FAM118B: variants seen among roughly 807,000 people sequenced by gnomAD.
FAM118B encodes protein FAM118B.
Under a neutral mutation model 38.5 loss-of-function variants are expected in FAM118B, and 24 were observed. The observed-to-expected ratio is 0.62, with a 90% CI of 0.45 to 0.88. The LOEUF is 0.88. Ranked by LOEUF, FAM118B falls within the 40% of genes least tolerant of loss-of-function variation. FAM118B has a pLI of 0.00. For synonymous variants in FAM118B, 138 were observed against 156.3 expected (o/e 0.88, Z 0.87); for missense variants, 334 against 420.0 (o/e 0.80, Z 1.79).
intron 7 of FAM118B, among the ~76,000 whole-genome samples, chr11:126,259,230 GTTATT>G (rs1950631657): frequency 6.6e-6 from 1 of 152,252 alleles, no homozygotes; most frequent in East Asian, 1.9e-4. Flanking sequence ...GTCTTTTGCT[GTTATT>G]TTGTTTTTTA....
intron 1 of FAM118B, among the ~76,000 whole-genome samples, chr11:126,225,719 C>T (rs1031517097): frequency 2.0e-5 from 3 of 152,194 alleles, no homozygotes; most frequent in Admixed American, 1.3e-4. Flanking sequence ...TTACTAAAGA[C>T]CTGTAATCCC....
At chr11:126,239,003 T>C (rs1470767754) in intron 3 of FAM118B, among the ~76,000 whole-genome samples, 2 of 151,684 alleles carry the variant, frequency 1.3e-5, no homozygotes, top group Non-Finnish European at 2.9e-5. Flanking sequence ...GACAAGGTCT[T>C]GTTCTGTCAC....
intron 2 of FAM118B, among the ~76,000 whole-genome samples, chr11:126,231,683 A>G (rs1168934320): frequency 1.3e-5 from 2 of 152,212 alleles, no homozygotes; most frequent in Non-Finnish European, 2.9e-5. Flanking sequence ...AGTAGTTGGA[A>G]TGGACCTTCA....
At chr11:126,221,681 T>G (rs1591502650) in intron 1 of FAM118B, among the ~76,000 whole-genome samples, 1 of 149,252 alleles carries the variant, frequency 6.7e-6, no homozygotes, top group African/African-American at 2.5e-5. Context: ...GTGAATGGGG[T>G]GGGAAGGGAA....
At chr11:126,230,940 CTTTTCTCT>C (rs1337953711) in intron 2 of FAM118B, among the ~76,000 whole-genome samples, 2 of 152,346 alleles carry the variant, frequency 1.3e-5, no homozygotes, top group East Asian at 3.9e-4. Context: ...TAACCAGTTC[CTTTTCTCT>C]TGTCCCTTTA....
chr11:126,261,155 G>GAAATGTA (rs10623520), intron 7 of FAM118B: 216,863 of 363,490 alleles, frequency 0.6, 68,023 homozygotes, highest in East Asian at 0.94. Flanking sequence ...GCCTGTATGT[G>GAAATGTA]AAATGTAAAA....
rs1340216655 is a variant in FAM118B at position 126,214,490 on chromosome 11, GTTTTTTTT to G, written c.-77+2665_-77+2672del. The G allele has an allele frequency of 8.5e-4, 22 of 25,834 alleles. No homozygotes were observed. The East Asian group carries it at 0.012, about 14-fold the overall frequency. 1.6% of individuals were successfully genotyped at this position (25,834 alleles called of 1,614,324 possible). A position where few individuals can be genotyped will look rare whatever the true frequency, so the allele number is the denominator to read the frequency against. On this transcript the variant is annotated intron_variant, in intron 1 of 8. Transcript: ENST00000533050. The stretch of plus-strand genomic sequence containing the variant: ...CACTGCAAAAAACTCTTTTGTTTCT[GTTTTTTTT>G]TTTTGTTTTTTTTTTGTTTTTTTTT...
chr11:126,232,028 T>A (rs1450655232), intron 2 of FAM118B, among the ~76,000 whole-genome samples: 2 of 152,172 alleles, frequency 1.3e-5, no homozygotes, highest in Non-Finnish European at 2.9e-5. Flanking sequence ...GGCACTTCCT[T>A]TGTTGATAGT....
At chr11:126,251,474 C>T (rs1950502656) in intron 5 of FAM118B, among the ~76,000 whole-genome samples, 1 of 152,174 alleles carries the variant, frequency 6.6e-6, no homozygotes, top group African/African-American at 2.4e-5. Context: ...TGTGGTTTTG[C>T]TGACCTTGAT....
Position 126,250,435 on chromosome 11 carries a change from C to T in FAM118B, c.340-71C>T. ...CAAAATATTCTTCCAAAATTTGTTA[C>T]TGCTGTAACTAAAACAACTGACCTA... On this transcript the variant is annotated intron_variant, in intron 4 of 8. Coordinates refer to ENST00000533050, the MANE Select transcript of FAM118B (RefSeq NM_024556.4). This position sits in a 1 kb window ranked among gnomAD's most constrained non-coding sequence, Gnocchi z 5.1. The T allele has an allele frequency of 1.9e-6, 2 of 1,028,694 alleles. No homozygotes were observed. The highest frequency in any genetic ancestry group is 4.1e-5 in the Admixed American group (2 of 48,230). 63.7% of individuals were successfully genotyped at this position (1,028,694 alleles called of 1,614,324 possible). A position where few individuals can be genotyped will look rare whatever the true frequency, so the allele number is the denominator to read the frequency against.
chr11:126,226,963 A>C (rs1210108413), intron 1 of FAM118B, among the ~76,000 whole-genome samples: 1 of 152,008 alleles, frequency 6.6e-6, no homozygotes, highest in Non-Finnish European at 1.5e-5. Flanking sequence ...AAAAAAAAAA[A>C]AACACCTAGC....
At chr11:126,232,137 G>A (rs975529630) in intron 2 of FAM118B, among the ~76,000 whole-genome samples, 17 of 151,932 alleles carry the variant, frequency 1.1e-4, no homozygotes, top group Admixed American at 6.6e-4. Flanking sequence ...GAAGTGTTTT[G>A]GATTTCTAGG....
chr11:126,256,021 A>G lies in FAM118B; in HGVS notation c.697-546A>G, dbSNP rs1431304832. Among the ~76,000 whole-genome samples, 2 of 152,212 alleles carry G rather than the reference A, an allele frequency of 1.3e-5. No individual in the cohort carries two copies. Among genetic ancestry groups the G allele is most frequent in the Admixed American group, 6.5e-5 (1 of 15,274 alleles). On this transcript the variant is annotated intron_variant, in intron 6 of 8. Coordinates refer to ENST00000533050, the MANE Select transcript of FAM118B (RefSeq NM_024556.4). The surrounding 1 kb of genome is among the most constrained non-coding windows in gnomAD (Gnocchi z 6.6). ...TGCAGTGGCTCACGCCTGTAATCCC[A>G]GCACTTTGGGAGGCCAAGGTGGGTG... is the stretch of plus-strand genomic sequence containing the variant.
At chr11:126,217,621 C>G (rs866690523) in intron 1 of FAM118B, among the ~76,000 whole-genome samples, 2 of 152,218 alleles carry the variant, frequency 1.3e-5, no homozygotes, top group Middle Eastern at 3.2e-3. Context: ...TATTGGAGCC[C>G]TGCCCCCTCC....
chr11:126,241,175 C>T (rs912977861), intron 4 of FAM118B, 131 bp downstream of exon 4: 2 of 1,030,482 alleles, frequency 1.9e-6, no homozygotes, highest in African/African-American at 1.6e-5. Flanking sequence ...TGTAGGTTTC[C>T]ATAACATTTG....
In FAM118B at chr11:126,240,967, A is replaced by G. The variant is rs771687839; in HGVS notation, c.262A>G (p.Lys88Glu). The G allele has an allele frequency of 6.2e-7, 1 of 1,614,150 alleles. No individual in the cohort carries two copies. Among genetic ancestry groups the G allele is most frequent in the Non-Finnish European group, 8.5e-7 (1 of 1,179,986 alleles). ...TGATCTTTTAGAAGATGAGGAGAGC[A>G]AAAAGTTTCAGAAATGTCTCCATGA... ...DFDLLEDEES[K>E]KFQKCLHEDK... The change falls in exon 4 of 9, where the codon AAA (lysine) becomes GAA (glutamate). Residue 88 changes from lysine (K) to glutamate (E), a missense_variant. This residue lies in a region of FAM118B where 240 missense variants were observed against 295.9 expected (regional missense o/e 0.81). Coordinates refer to ENST00000533050, the MANE Select transcript of FAM118B (RefSeq NM_024556.4).
intron 3 of FAM118B, among the ~76,000 whole-genome samples, chr11:126,237,723 G>A (rs1422608123): frequency 4.8e-5 from 7 of 146,504 alleles, no homozygotes; most frequent in Admixed American, 1.4e-4. Flanking sequence ...GGGGCGTGGT[G>A]GCGCGTGCCT....
intron 3 of FAM118B, among the ~76,000 whole-genome samples, chr11:126,239,662 C>T (rs1160349347): frequency 3.3e-5 from 5 of 152,052 alleles, no homozygotes; most frequent in Admixed American, 1.3e-4. Context: ...TACAGGTGTG[C>T]GCCACCAGAC....
At chr11:126,226,757 G>C (rs951942204) in intron 1 of FAM118B, among the ~76,000 whole-genome samples, 2 of 152,098 alleles carry the variant, frequency 1.3e-5, no homozygotes, top group African/African-American at 4.8e-5. Flanking sequence ...GAGGCAGGCG[G>C]ATCACTTGAG....
Sources: gnomAD v4.1 joint callset for allele counts (sites outside exome capture counted in the v4.1 genomes callset) on GRCh38, gnomAD v4.1.1 for gene constraint, gnomAD v4.1.1 regional missense constraint, Gnocchi (gnomAD v3.1) non-coding constraint, MANE v1.5 for transcripts, NCBI Gene and HGNC (gene_info 2026-07-23, HGNC 2026-07-21) for gene names.